The following WDR27 variants were observed in gnomAD, a reference collection of about 807,000 sequenced individuals.
WDR27 encodes WD repeat-containing protein 27.
A neutral mutation model predicts 114.4 loss-of-function variants in WDR27; 100 were observed. That is an observed-to-expected ratio of 0.87 (90% CI 0.74 to 1.03). The LOEUF (loss-of-function observed/expected upper bound fraction) is 1.03, where lower values mean the gene tolerates loss of function less well. Among genes scored for constraint, WDR27 ranks in the 50% least tolerant of loss-of-function variants. WDR27 has a pLI of 0.00. For synonymous variants in WDR27, 449 were observed against 423.1 expected, an observed-to-expected ratio of 1.06 and a Z score of -0.75; for missense variants, 1,129 against 1,092.9, an observed-to-expected ratio of 1.03 and a Z score of -0.47.
chr6:169,628,915 T>C (rs1815590236), intron 21 of WDR27, among the ~76,000 whole-genome samples: 1 of 152,230 alleles, frequency 6.6e-6, no homozygotes. Flanking sequence ...TCTAAAGCAG[T>C]ACCCATCTGC....
chr6:169,445,591 C>T, the WDR27 span, among the ~76,000 whole-genome samples: 9 of 152,324 alleles, frequency 5.9e-5, no homozygotes, highest in Non-Finnish European at 8.8e-5. Flanking sequence ...TTATTACAAA[C>T]GAAAATCTAA....
intron 25 of WDR27, among the ~76,000 whole-genome samples, chr6:169,506,750 A>T (rs1360386550): frequency 6.6e-6 from 1 of 152,256 alleles, no homozygotes; most frequent in East Asian, 1.9e-4. Context: ...GAACAAGAAT[A>T]ACATGGACCA....
At chr6:169,530,613 C>T (rs140811402) in intron 25 of WDR27, among the ~76,000 whole-genome samples, 5 of 152,306 alleles carry the variant, frequency 3.3e-5, no homozygotes, top group Non-Finnish European at 7.3e-5. Context: ...GGCTCACCCA[C>T]GTTACATAGG....
intron 2 of WDR27, among the ~76,000 whole-genome samples, chr6:169,680,760 G>A (rs903789907): frequency 2.0e-5 from 3 of 152,098 alleles, no homozygotes; most frequent in African/African-American, 7.2e-5. Context: ...TAACATTAAC[G>A]AAAATAGAAA....
the WDR27 span, among the ~76,000 whole-genome samples, chr6:169,447,982 T>G: frequency 6.6e-6 from 1 of 152,218 alleles, no homozygotes; most frequent in Non-Finnish European, 1.5e-5. Flanking sequence ...TATTAGTACT[T>G]TAGAATTTAT....
intron 10 of WDR27, among the ~76,000 whole-genome samples, chr6:169,660,073 T>C (rs6459651): frequency 0.35 from 52,043 of 147,544 alleles, 11,387 homozygotes; most frequent in East Asian, 0.9. Flanking sequence ...CCTGCTGCAG[T>C]GGAGGAGAGG....
At chr6:169,654,780 C>G (rs576458896) in intron 13 of WDR27, among the ~76,000 whole-genome samples, 3 of 150,510 alleles carry the variant, frequency 2.0e-5, no homozygotes, top group East Asian at 3.9e-4. Context: ...CAGAAGGAGG[C>G]GCGTTCAGGA....
intron 13 of WDR27, 71 bp downstream of exon 13, chr6:169,658,205 T>C (rs1584961879): frequency 8.1e-7 from 1 of 1,239,556 alleles, no homozygotes; most frequent in Non-Finnish European, 1.2e-6. Context: ...CGCAAAGCAA[T>C]GCAGCAGCCC....
intron 25 of WDR27, among the ~76,000 whole-genome samples, chr6:169,460,630 T>C (rs2115264567): frequency 6.6e-6 from 1 of 152,312 alleles, no homozygotes; most frequent in South Asian, 2.1e-4. Flanking sequence ...AATTCTCCAA[T>C]GAGAAGGCAG....
At chr6:169,698,628 G>C (rs1437760470) in intron 1 of WDR27, among the ~76,000 whole-genome samples, 2 of 152,202 alleles carry the variant, frequency 1.3e-5, no homozygotes, top group Non-Finnish European at 1.5e-5. Context: ...GAGCCACTAA[G>C]AACATGGCTG....
chr6:169,579,070 G>A (rs187630593), intron 24 of WDR27, among the ~76,000 whole-genome samples: 307 of 152,318 alleles, frequency 2.0e-3, no homozygotes, highest in Admixed American at 3.1e-3. Context: ...CAGGCTTGGT[G>A]TCAGTGGCAC....
the WDR27 span, among the ~76,000 whole-genome samples, chr6:169,443,641 A>T: frequency 6.6e-6 from 1 of 152,214 alleles, no homozygotes; most frequent in African/African-American, 2.4e-5. Context: ...GACCTGGATG[A>T]CACACATAGG....
At chr6:169,620,287 T>C (rs1812789342) in intron 21 of WDR27, among the ~76,000 whole-genome samples, 1 of 152,182 alleles carries the variant, frequency 6.6e-6, no homozygotes, top group African/African-American at 2.4e-5. Flanking sequence ...AGGCAAAACC[T>C]GCCTCCCATT....
chr6:169,431,718 T>C, the WDR27 span, among the ~76,000 whole-genome samples: 8 of 152,224 alleles, frequency 5.3e-5, no homozygotes, highest in East Asian at 1.5e-3. Context: ...GCTTACAATA[T>C]GGACTGTCAA....
chr6:169,575,110 T>C (rs1247557961), intron 24 of WDR27, among the ~76,000 whole-genome samples: 1 of 152,082 alleles, frequency 6.6e-6, no homozygotes, highest in Non-Finnish European at 1.5e-5. Flanking sequence ...CACCACCAGC[T>C]ATCCTGGGGC....
At chr6:169,485,782 G>A (rs1788800717) in intron 25 of WDR27, among the ~76,000 whole-genome samples, 1 of 152,184 alleles carries the variant, frequency 6.6e-6, no homozygotes, top group Non-Finnish European at 1.5e-5. Context: ...TGGTAGAATG[G>A]AGAAAGAAAA....
chr6:169,578,110 A>G (rs1802746109), intron 24 of WDR27, among the ~76,000 whole-genome samples: 1 of 152,200 alleles, frequency 6.6e-6, no homozygotes, highest in East Asian at 1.9e-4. Flanking sequence ...ATCGCTCCGC[A>G]GTGCTGACCC....
intron 23 of WDR27, among the ~76,000 whole-genome samples, chr6:169,596,597 G>A (rs1453175038): frequency 1.3e-5 from 2 of 151,548 alleles, no homozygotes; most frequent in African/African-American, 4.8e-5. Context: ...AATATTTTTT[G>A]GTTCATCCTT....
At chr6:169,680,073 A>T (rs1374589898) in intron 2 of WDR27, among the ~76,000 whole-genome samples, 3 of 152,270 alleles carry the variant, frequency 2.0e-5, no homozygotes, top group Non-Finnish European at 1.5e-5. Context: ...TTCAAAAACA[A>T]GGCAAAATAA....
Sources: allele counts gnomAD v4.1 joint callset (sites outside exome capture counted in the v4.1 genomes callset), GRCh38; gene constraint gnomAD v4.1.1; transcripts MANE v1.5; gene names NCBI Gene and HGNC (gene_info 2026-07-23, HGNC 2026-07-21).